FGF14: variants seen among roughly 807,000 people sequenced by gnomAD.
FGF14 encodes the protein fibroblast growth factor 14, also known as fibroblast growth factor homologous factor 4.
A neutral mutation model predicts 25.5 loss-of-function variants in FGF14; 5 were observed. That is an observed-to-expected ratio of 0.20 (90% confidence interval 0.10 to 0.41). The LOEUF (loss-of-function observed/expected upper bound fraction) is 0.41, where lower values mean the gene tolerates loss of function less well. Ranked by LOEUF, FGF14 falls within the 10% of genes least tolerant of loss-of-function variation. The pLI is 1.00. For synonymous variants in FGF14, 138 were observed against 118.3 expected, an observed-to-expected ratio of 1.17 and a Z score of -1.08; for missense variants, 222 against 320.1, an observed-to-expected ratio of 0.69 and a Z score of 2.34.
intron 3 of FGF14, among the ~76,000 whole-genome samples, chr13:101,767,931 C>T (rs1234469884): frequency 6.6e-6 from 1 of 152,100 alleles, no homozygotes; most frequent in Non-Finnish European, 1.5e-5. Context: ...GAATACAGAG[C>T]TAAGAGTATA....
At chr13:102,073,320 A>G (rs2043225741) in intron 1 of FGF14, among the ~76,000 whole-genome samples, 1 of 152,198 alleles carries the variant, frequency 6.6e-6, no homozygotes, top group Admixed American at 6.5e-5. Flanking sequence ...ACATTGTTGC[A>G]GTGGTTTCTG....
chr13:101,830,488 G>A (rs1404600017), intron 3 of FGF14, among the ~76,000 whole-genome samples: 2 of 151,950 alleles, frequency 1.3e-5, no homozygotes, highest in Admixed American at 6.6e-5. Context: ...TTTAGTTACC[G>A]GTTGTACATG....
intron 1 of FGF14, among the ~76,000 whole-genome samples, chr13:101,945,437 C>T (rs1448492649): frequency 1.3e-5 from 2 of 152,190 alleles, no homozygotes; most frequent in Non-Finnish European, 2.9e-5. Context: ...TGCTCTACTC[C>T]TGTTGTATTT....
At chr13:101,859,955 GTTTT>G (rs199766492) in intron 3 of FGF14, among the ~76,000 whole-genome samples, 1 of 151,240 alleles carries the variant, frequency 6.6e-6, no homozygotes, top group Non-Finnish European at 1.5e-5. Flanking sequence ...TATTTTTATT[GTTTT>G]TTTTTAATCT....
At chr13:102,211,788 A>G (rs2050171490) in intron 1 of FGF14, among the ~76,000 whole-genome samples, 1 of 152,236 alleles carries the variant, frequency 6.6e-6, no homozygotes, top group African/African-American at 2.4e-5. Flanking sequence ...ATTCATAACC[A>G]GAATAATTTG....
chr13:102,370,529 G>C (rs2057848141), intron 1 of FGF14, among the ~76,000 whole-genome samples: 1 of 151,986 alleles, frequency 6.6e-6, no homozygotes, highest in African/African-American at 2.4e-5. Flanking sequence ...GGGATTATAT[G>C]CATACACCAC....
At chr13:102,301,539 G>C (rs1486576957) in intron 1 of FGF14, among the ~76,000 whole-genome samples, 1 of 152,068 alleles carries the variant, frequency 6.6e-6, no homozygotes, top group African/African-American at 2.4e-5. Flanking sequence ...CCATGACAAA[G>C]TGGAAAAACA....
chr13:101,897,105 T>C (rs1453883092), intron 1 of FGF14, among the ~76,000 whole-genome samples: 1 of 152,194 alleles, frequency 6.6e-6, no homozygotes, highest in Non-Finnish European at 1.5e-5. Flanking sequence ...ATATATATTA[T>C]TATGTGTACA....
chr13:102,334,201 G>A (rs1354207877), intron 1 of FGF14, among the ~76,000 whole-genome samples: 1 of 152,152 alleles, frequency 6.6e-6, no homozygotes, highest in Non-Finnish European at 1.5e-5. Context: ...GTCATGGATT[G>A]GGGCAGGCAC....
At chr13:101,983,390 T>C (rs1400445871) in intron 1 of FGF14, among the ~76,000 whole-genome samples, 2 of 152,178 alleles carry the variant, frequency 1.3e-5, no homozygotes, top group Non-Finnish European at 2.9e-5. Flanking sequence ...CACTGTACAA[T>C]TGAAACTCAA....
intron 3 of FGF14, among the ~76,000 whole-genome samples, chr13:101,810,484 T>C (rs2041443305): frequency 6.6e-6 from 1 of 152,206 alleles, no homozygotes; most frequent in Non-Finnish European, 1.5e-5. Flanking sequence ...GCCTGCTTAG[T>C]GGGCAATCTA....
At chr13:102,359,876 G>T (rs2057518819) in intron 1 of FGF14, among the ~76,000 whole-genome samples, 1 of 148,740 alleles carries the variant, frequency 6.7e-6, no homozygotes, top group African/African-American at 2.5e-5. Context: ...AACAGTCCAA[G>T]GGGAAAATAA....
chr13:102,161,608 A>AT (rs2047684205), intron 1 of FGF14, among the ~76,000 whole-genome samples: 1 of 6,528 alleles, frequency 1.5e-4, no homozygotes, highest in African/African-American at 1.9e-3. Context: ...GAAGAAGAAG[A>AT]AGAAGAAGAA....
At chr13:102,198,922 T>C (rs2140868387) in intron 1 of FGF14, among the ~76,000 whole-genome samples, 1 of 152,334 alleles carries the variant, frequency 6.6e-6, no homozygotes, top group South Asian at 2.1e-4. Flanking sequence ...CTCCTCACTC[T>C]TTGTCAAACT....
intron 1 of FGF14, among the ~76,000 whole-genome samples, chr13:102,033,184 C>G (rs890740333): frequency 3.3e-5 from 5 of 152,104 alleles, no homozygotes; most frequent in Non-Finnish European, 7.4e-5. Flanking sequence ...CAGTACATCT[C>G]AAGCATATTC....
At chr13:102,379,270 T>C (rs960406107) in intron 1 of FGF14, among the ~76,000 whole-genome samples, 6 of 152,084 alleles carry the variant, frequency 3.9e-5, no homozygotes, top group Admixed American at 3.9e-4. Context: ...AAATCAATAT[T>C]ACTCTAACTA....
In FGF14 at chr13:102,050,702, T is replaced by G. The variant is rs971386117; in HGVS notation, c.209-175406A>C. Among the ~76,000 whole-genome samples, 88 of 151,976 alleles carry G rather than the reference T, an allele frequency of 5.8e-4. 1 individual carries two copies. Among genetic ancestry groups the G allele is most frequent in the Non-Finnish European group, 2.2e-4 (15 of 67,970 alleles). ...CACACACAAAAAGAAAAAGCGCAGA[T>G]AGCTACTCACAAATCAGATAAACCC... On this transcript the variant is annotated intron_variant, in intron 1 of 4. Transcript: ENST00000376131.
intron 3 of FGF14, among the ~76,000 whole-genome samples, chr13:101,844,809 G>A (rs1425031855): frequency 6.6e-6 from 1 of 151,918 alleles, no homozygotes; most frequent in Non-Finnish European, 1.5e-5. Flanking sequence ...GCATACCTTG[G>A]CAAATCCAAA....
intron 1 of FGF14, among the ~76,000 whole-genome samples, chr13:102,137,305 G>C (rs1164900372): frequency 6.6e-6 from 1 of 152,164 alleles, no homozygotes; most frequent in Non-Finnish European, 1.5e-5. Flanking sequence ...AGTGTTTATT[G>C]ACTTTGCACA....
Sources: gnomAD v4.1 joint callset for allele counts (sites outside exome capture counted in the v4.1 genomes callset) on GRCh38, gnomAD v4.1.1 for gene constraint, MANE v1.5 for transcripts, NCBI Gene and HGNC (gene_info 2026-07-23, HGNC 2026-07-21) for gene names.